The following COL26A1 variants were observed in gnomAD, a reference collection of about 807,000 sequenced individuals.
COL26A1 encodes the protein collagen alpha-1(XXVI) chain.
A neutral mutation model predicts 59.3 loss-of-function variants in COL26A1; 41 were observed. The ratio of observed to expected loss-of-function variants is 0.69; its 90% CI spans 0.54 to 0.90. The LOEUF (loss-of-function observed/expected upper bound fraction) is 0.90, where lower values mean the gene tolerates loss of function less well. COL26A1 is among the 40% of genes least tolerant of loss of function. The pLI, the probability that COL26A1 is intolerant of heterozygous loss-of-function variation, is 0.00. For missense variants in COL26A1, 612 were observed against 602.3 expected (o/e 1.02, Z -0.17); for synonymous variants, 266 against 256.0 (o/e 1.04, Z -0.37).
At chr7:101,554,185 AGGGG>A (rs1048915956) in intron 11 of COL26A1, among the ~76,000 whole-genome samples, 1 of 151,418 alleles carries the variant, frequency 6.6e-6, no homozygotes, top group Admixed American at 6.6e-5. Context: ...TGGGGCCGGC[AGGGG>A]GGGCCTTGAA....
intron 3 of COL26A1, among the ~76,000 whole-genome samples, chr7:101,504,486 G>A (rs1346438599): frequency 1.3e-5 from 2 of 152,108 alleles, no homozygotes; most frequent in East Asian, 1.9e-4. Flanking sequence ...GTCTATGCTC[G>A]CCTGATTCGG....
chr7:101,540,136 CACTAG>C, intron 5 of COL26A1, 87 bp downstream of exon 5: 1 of 1,329,202 alleles, frequency 7.5e-7, no homozygotes, highest in Admixed American at 2.6e-5. Context: ...AGAGGCCACA[CACTAG>C]ACACTCTAGT....
chr7:101,432,298 G>A (rs1158872514), intron 2 of COL26A1, among the ~76,000 whole-genome samples: 2 of 152,144 alleles, frequency 1.3e-5, no homozygotes, highest in Non-Finnish European at 2.9e-5. Flanking sequence ...GCTGCTGTGG[G>A]AAGAATGGAC....
intron 1 of COL26A1, among the ~76,000 whole-genome samples, chr7:101,410,096 G>T (rs1424959882): frequency 6.6e-6 from 1 of 152,044 alleles, no homozygotes; most frequent in South Asian, 2.1e-4. Flanking sequence ...TGGTGGGCAG[G>T]GGGCTAGGGA....
At chr7:101,427,325 G>A (rs913929622) in intron 2 of COL26A1, among the ~76,000 whole-genome samples, 3 of 152,020 alleles carry the variant, frequency 2.0e-5, no homozygotes, top group Admixed American at 2.0e-4. Context: ...AGCCTCCTGA[G>A]TAGCTGGGAC....
At chr7:101,486,319 C>A (rs991300326) in intron 3 of COL26A1, among the ~76,000 whole-genome samples, 2 of 152,200 alleles carry the variant, frequency 1.3e-5, no homozygotes, top group Non-Finnish European at 2.9e-5. Flanking sequence ...CTGTTCATTC[C>A]ACGTCCCCCC....
chr7:101,388,702 T>C (rs1403827122), intron 1 of COL26A1, among the ~76,000 whole-genome samples: 1 of 151,868 alleles, frequency 6.6e-6, no homozygotes. Flanking sequence ...TAGCTGGGAC[T>C]AGGGGCACAG....
chr7:101,434,901 G>C (rs1422602251), intron 2 of COL26A1, among the ~76,000 whole-genome samples: 1 of 67,968 alleles, frequency 1.5e-5, no homozygotes, highest in Non-Finnish European at 2.6e-5. Context: ...GATGCGGGGA[G>C]GACATGTTCA....
At chr7:101,520,464 T>G (rs1795116577) in intron 3 of COL26A1, among the ~76,000 whole-genome samples, 1 of 152,120 alleles carries the variant, frequency 6.6e-6, no homozygotes, top group Admixed American at 6.5e-5. Context: ...GTGGGAGAAT[T>G]GCTTGCGGCC....
chr7:101,385,737 C>T (rs1373659286), intron 1 of COL26A1, among the ~76,000 whole-genome samples: 2 of 151,702 alleles, frequency 1.3e-5, no homozygotes, highest in Admixed American at 1.3e-4. Flanking sequence ...TTGAGTCTCA[C>T]TCTGTCGCCC....
intron 1 of COL26A1, among the ~76,000 whole-genome samples, chr7:101,400,089 CA>C (rs1791955351): frequency 6.6e-6 from 1 of 151,954 alleles, no homozygotes; most frequent in Non-Finnish European, 1.5e-5. Flanking sequence ...GAGGGGACAG[CA>C]AATATTTGAG....
intron 1 of COL26A1, among the ~76,000 whole-genome samples, chr7:101,376,619 G>C (rs1399803901): frequency 6.6e-6 from 1 of 152,124 alleles, no homozygotes; most frequent in African/African-American, 2.4e-5. Flanking sequence ...AGGGGAGCCG[G>C]AGAAAACAGA....
At chr7:101,522,947 C>T (rs549519108) in intron 3 of COL26A1, among the ~76,000 whole-genome samples, 1 of 152,266 alleles carries the variant, frequency 6.6e-6, no homozygotes, top group South Asian at 2.1e-4. Flanking sequence ...ACCCCCTCTT[C>T]ATATGATCAT....
chr7:101,458,049 A>C (rs773696530), intron 3 of COL26A1, among the ~76,000 whole-genome samples: 24 of 152,026 alleles, frequency 1.6e-4, no homozygotes, highest in Admixed American at 1.0e-3. Flanking sequence ...GGCACCCACC[A>C]GCACACCTGG....
intron 3 of COL26A1, among the ~76,000 whole-genome samples, chr7:101,468,541 C>A (rs896932340): frequency 1.3e-5 from 2 of 152,168 alleles, no homozygotes; most frequent in Admixed American, 1.3e-4. Context: ...TGCCGCCAAG[C>A]AAGGCCTCCG....
chr7:101,517,068 G>A (rs1584479407), intron 3 of COL26A1, among the ~76,000 whole-genome samples: 1 of 152,212 alleles, frequency 6.6e-6, no homozygotes, highest in Admixed American at 6.6e-5. Flanking sequence ...GTCTGACCCT[G>A]AGACTCAAGG....
chr7:101,492,425 G>C (rs1003930278), intron 3 of COL26A1, among the ~76,000 whole-genome samples: 2 of 151,780 alleles, frequency 1.3e-5, no homozygotes, highest in Non-Finnish European at 2.9e-5. Flanking sequence ...GGCCGGGCGC[G>C]GTGGCTCATG....
intron 3 of COL26A1, among the ~76,000 whole-genome samples, chr7:101,525,439 C>G (rs1342581574): frequency 2.7e-5 from 4 of 150,512 alleles, no homozygotes; most frequent in African/African-American, 9.8e-5. Flanking sequence ...CCTCAGCCTC[C>G]CAAAGTGCTG....
intron 1 of COL26A1, among the ~76,000 whole-genome samples, chr7:101,388,487 CAAA>C (rs956151262): frequency 1.3e-5 from 2 of 151,426 alleles, no homozygotes; most frequent in African/African-American, 4.9e-5. Context: ...AACAGACAAA[CAAA>C]AAGCCCCGAA....
Sources: gnomAD v4.1 joint callset for allele counts (sites outside exome capture counted in the v4.1 genomes callset) on GRCh38, gnomAD v4.1.1 for gene constraint, MANE v1.5 for transcripts, NCBI Gene and HGNC (gene_info 2026-07-23, HGNC 2026-07-21) for gene names.